Variants in NAP1L1 observed in about 807,000 individuals in gnomAD.
The protein encoded by NAP1L1 is nucleosome assembly protein 1-like 1.
In NAP1L1, 9 loss-of-function variants were observed where a neutral mutation model predicts 58.9. That is an observed-to-expected ratio of 0.15 (90% CI 0.09 to 0.27). The LOEUF is 0.27. Among genes scored for constraint, NAP1L1 ranks in the 10% least tolerant of loss-of-function variants. The pLI, the probability that NAP1L1 is intolerant of heterozygous loss-of-function variation, is 1.00. For missense variants in NAP1L1, 302 were observed against 458.8 expected (o/e 0.66, Z 3.12); for synonymous variants, 130 against 138.3 (o/e 0.94, Z 0.42).
At chr12:76,053,728 A>C (rs1365681099) in intron 9 of NAP1L1, 42 bp downstream of exon 9, 3 of 1,592,976 alleles carry the variant, frequency 1.9e-6, no homozygotes, top group Non-Finnish European at 2.6e-6. Context: ...GTATAACAAA[A>C]ACAGAAAAAA....
chr12:76,071,125 T>C lies in NAP1L1; in HGVS notation c.18-2131A>G, dbSNP rs190191679. Among the ~76,000 whole-genome samples, 86 of 152,340 alleles carry C rather than the reference T, an allele frequency of 5.6e-4. 1 individual carries two copies. Among genetic ancestry groups the C allele is most frequent in the African/African-American group, 1.9e-3 (81 of 41,594 alleles). ...TTCCATCTGCAGTTGGTTGAATTCA[T>C]AGATGCAAACTCATGGATGCTGAAC... On this transcript the variant is annotated intron_variant, in intron 2 of 14. Coordinates refer to ENST00000618691, the MANE Select transcript of NAP1L1 (RefSeq NM_004537.7).
rs1312172709 is a variant in NAP1L1, at chr12:76,037,880, T to G, written c.*10549A>C. 1 of 152,226 alleles carries G rather than the reference T, an allele frequency of 6.6e-6. No homozygotes were observed. Among genetic ancestry groups the G allele is most frequent in the Non-Finnish European group, 1.5e-5 (1 of 68,036 alleles). 9.4% of individuals were successfully genotyped at this position (152,226 alleles called of 1,614,324 possible). A position where few individuals can be genotyped will look rare whatever the true frequency, so the allele number is the denominator to read the frequency against. ...CCATTGTACCTAACGGAGAGCTGAT[T>G]GACAGCACTTAAACTGAGGGGAAAT... On this transcript the variant is annotated 3_prime_UTR_variant, in exon 15 of 15. Transcript: ENST00000618691.
chr12:76,057,995 T>TTACTGA, intron 6 of NAP1L1: 1 of 844,556 alleles, frequency 1.2e-6, no homozygotes, highest in Non-Finnish European at 2.1e-6. Flanking sequence ...AATTCTCCTG[T>TTACTGA]GGTGCCTCAG....
Position 76,073,079 on chromosome 12 carries a change from C to G in NAP1L1, c.17+1124G>C, listed in dbSNP as rs138627148. Among the ~76,000 whole-genome samples the G allele has an allele frequency of 1.3e-3, 192 of 151,722 alleles. 1 individual carries two copies. The highest frequency in any genetic ancestry group is 4.2e-3 in the African/African-American group (172 of 41,350). On this transcript the variant is annotated intron_variant, in intron 2 of 14. Transcript: ENST00000618691. Reference sequence around the variant, plus strand: ...CACAGGAGACAATCACTTTGGGAACCATTATTATTAAAAATGCCGTTTCCA... The same window carrying G: ...CACAGGAGACAATCACTTTGGGAACGATTATTATTAAAAATGCCGTTTCCA...
intron 11 of NAP1L1, among the ~76,000 whole-genome samples, chr12:76,051,509 T>C (rs1405178877): frequency 1.3e-5 from 2 of 152,132 alleles, no homozygotes; most frequent in African/African-American, 4.8e-5. Context: ...CAGTCCTAGT[T>C]CAGAAAGACA....
At chr12:76,049,680 G>A (rs777092165) in intron 13 of NAP1L1, 76 bp downstream of exon 13, 184 of 1,566,796 alleles carry the variant, frequency 1.2e-4, no homozygotes, top group Non-Finnish European at 9.0e-5. Context: ...TTATAGCAAA[G>A]GAATACATAA....
At chr12:76,067,601 A>G (rs572617148) in intron 3 of NAP1L1, 128 bp from the exon 4 acceptor site, 1 of 629,496 alleles carries the variant, frequency 1.6e-6, no homozygotes, top group African/African-American at 1.8e-5. Flanking sequence ...TAATGAGTAG[A>G]GACGGGCAGG....
rs60761699 is a variant in NAP1L1, at chr12:76,068,780, T to A, written c.103+129A>T. On this transcript the variant is annotated intron_variant, in intron 3 of 14. Transcript: ENST00000618691. ...CACACACACACACACACACACACAC[T>A]AGAAGTATGGACCAGTAGATAAATG... is the stretch of plus-strand genomic sequence containing the variant. 3,582 of 400,332 alleles carry A rather than the reference T, an allele frequency of 8.9e-3. 143 individuals are homozygous for A. The African/African-American group carries it at 0.1, about 11-fold the overall frequency. 24.8% of individuals were successfully genotyped at this position (400,332 alleles called of 1,614,324 possible).
intron 4 of NAP1L1, among the ~76,000 whole-genome samples, chr12:76,064,761 C>T (rs148994804): frequency 6.6e-6 from 1 of 151,786 alleles, no homozygotes; most frequent in African/African-American, 2.4e-5. Context: ...AACTCCAAAA[C>T]TGATGAGAGA....
At chr12:76,050,973 C>CA (rs1948793612) in intron 11 of NAP1L1, among the ~76,000 whole-genome samples, 1 of 139,262 alleles carries the variant, frequency 7.2e-6, no homozygotes, top group Admixed American at 7.6e-5. Flanking sequence ...GAGCTGTGAT[C>CA]ACACCAGTGT....
chr12:76,064,151 TG>T (rs1949549484), intron 4 of NAP1L1, among the ~76,000 whole-genome samples: 1 of 152,136 alleles, frequency 6.6e-6, no homozygotes. Context: ...TCATAAAAGC[TG>T]GGGGTTATTA....
intron 12 of NAP1L1, 103 bp downstream of exon 12, chr12:76,050,428 A>C: frequency 7.2e-7 from 1 of 1,380,530 alleles, no homozygotes; most frequent in Non-Finnish European, 9.6e-7. Context: ...CTAATTTTGA[A>C]TTATATTATG....
At chr12:76,050,420 A>G (rs1948763972) in intron 12 of NAP1L1, 111 bp downstream of exon 12, 3 of 1,332,450 alleles carry the variant, frequency 2.3e-6, no homozygotes, top group South Asian at 3.4e-5. Context: ...TAATTAGCCT[A>G]ATTTTGAATT....
chr12:76,075,986 A>G (rs1052431632), intron 1 of NAP1L1, among the ~76,000 whole-genome samples: 1 of 152,178 alleles, frequency 6.6e-6, no homozygotes, highest in South Asian at 2.1e-4. Flanking sequence ...CAACACAATG[A>G]GACACTGTCT....
In NAP1L1 at chr12:76,072,529, T is replaced by G. The variant is rs567442932; in HGVS notation, c.17+1674A>C. On this transcript the variant is annotated intron_variant, in intron 2 of 14. Transcript: ENST00000618691. ...CAAATGAGACAATCACAAAGTTCAA[T>G]CAAGAATATCCCTGAACTAAAAGCC... Among the ~76,000 whole-genome samples, 3 of 152,112 alleles carry G rather than the reference T, an allele frequency of 2.0e-5. No individual in the cohort carries two copies. In the East Asian group the frequency reaches 5.8e-4, roughly 29 times the overall value.
At chr12:76,081,268 A>AT (rs1244265516) in intron 1 of NAP1L1, among the ~76,000 whole-genome samples, 2 of 151,868 alleles carry the variant, frequency 1.3e-5, no homozygotes, top group East Asian at 1.9e-4. Flanking sequence ...CTCCACACCT[A>AT]TTTTTTTTCC....
intron 2 of NAP1L1, 135 bp from the exon 3 acceptor site, chr12:76,069,129 G>A (rs767090066): frequency 8.6e-5 from 56 of 653,302 alleles, no homozygotes; most frequent in Middle Eastern, 3.6e-4. Context: ...AGGTAATTCC[G>A]TTTTCTAACT....
In NAP1L1 at chr12:76,053,361, AAAG is replaced by A. The variant is rs1461011243; in HGVS notation, c.771-14_771-12del. On this transcript the variant is annotated splice_polypyrimidine_tract_variant and intron_variant, in intron 9 of 14. Transcript: ENST00000618691. ...CAATCTATCTGGCACCTTGCAAAAC[AAAG>A]AAGAAAAATCTATTACAATTGACAA... is the stretch of plus-strand genomic sequence containing the variant. 2.5e-6 allele frequency: 4 copies of A among 1,603,794 alleles called. No homozygotes were observed. The highest frequency in any genetic ancestry group is 2.7e-5 in the African/African-American group (2 of 74,270).
chr12:76,070,135 G>A (rs1467206066), intron 2 of NAP1L1, among the ~76,000 whole-genome samples: 1 of 138,088 alleles, frequency 7.2e-6, no homozygotes, highest in African/African-American at 2.7e-5. Flanking sequence ...TTTTTTTTTT[G>A]GGAGACAGTG....
Sources: gnomAD v4.1 joint callset for allele counts (sites outside exome capture counted in the v4.1 genomes callset) on GRCh38, gnomAD v4.1.1 for gene constraint, MANE v1.5 for transcripts, NCBI Gene and HGNC (gene_info 2026-07-23, HGNC 2026-07-21) for gene names.